The following ACO1 variants were observed in gnomAD, a reference collection of about 807,000 sequenced individuals.
The protein encoded by ACO1 is cytoplasmic aconitate hydratase.
A neutral mutation model predicts 105.1 loss-of-function variants in ACO1; 78 were observed. That is an observed-to-expected ratio of 0.74 (90% CI 0.62 to 0.90). The LOEUF (loss-of-function observed/expected upper bound fraction) is 0.90. ACO1 is among the 40% of genes least tolerant of loss of function. The pLI is 0.00. For missense variants in ACO1, 965 were observed against 1,111.1 expected, an observed-to-expected ratio of 0.87 and a Z score of 1.87; for synonymous variants, 364 against 397.4, an observed-to-expected ratio of 0.92 and a Z score of 1.00.
intron 1 of ACO1, among the ~76,000 whole-genome samples, chr9:32,387,931 G>A (rs762569310): frequency 1.6e-4 from 24 of 152,320 alleles, no homozygotes; most frequent in Middle Eastern, 3.4e-3. Flanking sequence ...GACTTTATGC[G>A]TGAATACCAG....
rs552895836 is a variant in ACO1 at position 32,451,281 on chromosome 9, G to C, written c.*1170G>C. The stretch of plus-strand genomic sequence containing the variant: ...CAAAGTTGAAGCCACTTCATTTTCT[G>C]GTGAGGACACTCTTCCTGGTTTACA... On this transcript the variant is annotated 3_prime_UTR_variant, in exon 21 of 21. Transcript: ENST00000309951. The C allele has an allele frequency of 1.4e-4, 22 of 152,238 alleles. No individual in the cohort carries two copies. The highest frequency in any genetic ancestry group is 4.6e-4 in the African/African-American group (19 of 41,532). 9.4% of individuals were successfully genotyped at this position (152,238 alleles called of 1,614,324 possible). A position where few individuals can be genotyped will look rare whatever the true frequency, so the allele number is the denominator to read the frequency against.
chr9:32,447,722 T>G (rs533376181), intron 19 of ACO1, among the ~76,000 whole-genome samples: 1 of 152,358 alleles, frequency 6.6e-6, no homozygotes, highest in African/African-American at 2.4e-5. Context: ...CTTTGGTCTT[T>G]GACATTGGTG....
chr9:32,405,719 C>A, intron 2 of ACO1, 116 bp downstream of exon 2: 1 of 738,898 alleles, frequency 1.4e-6, no homozygotes, highest in Non-Finnish European at 2.2e-6. Context: ...GGTGAATGTT[C>A]TTGGATTAAG....
intron 1 of ACO1, among the ~76,000 whole-genome samples, chr9:32,388,045 T>A (rs886822776): frequency 6.6e-6 from 1 of 152,188 alleles, no homozygotes; most frequent in South Asian, 2.1e-4. Flanking sequence ...GAAGGCCAAG[T>A]GTGTTGAAGT....
chr9:32,389,589 C>G lies in ACO1; in HGVS notation c.-23+4854C>G, dbSNP rs989354850. 2.6e-5 allele frequency among the ~76,000 whole-genome samples: 4 copies of G among 151,986 alleles called. No individual in the cohort carries two copies. In the East Asian group the frequency reaches 7.7e-4, roughly 29 times the overall value. ...TGTCTGCTTCCCCTGTAGAGTCTGT[C>G]TGACCTTGGCCTCGCCCTCTCACTT... On this transcript the variant is annotated intron_variant, in intron 1 of 20. Transcript: ENST00000309951.
Position 32,450,372 on chromosome 9 carries a change from CCAAGCTTGTCTTTAAA to C in ACO1, c.*262_*277del. Reference sequence around the variant, plus strand: ...TGTCAGTAGTGCCAGAAAGAGAGAACCAAGCTTGTCTTTAAAGTTACTGATCACAGGACGTTGCTTT... The same window carrying C: ...TGTCAGTAGTGCCAGAAAGAGAGAACGTTACTGATCACAGGACGTTGCTTT... On this transcript the variant is annotated 3_prime_UTR_variant, in exon 21 of 21. Coordinates refer to ENST00000309951, the MANE Select transcript of ACO1 (RefSeq NM_002197.3). The C allele has an allele frequency of 1.9e-6, 1 of 513,312 alleles. No homozygotes were observed. Among genetic ancestry groups the C allele is most frequent in the Non-Finnish European group, 3.7e-6 (1 of 272,724 alleles). The allele number at this position is 513,312 out of a possible 1,614,324, so 31.8% of individuals were successfully genotyped here. A position where few individuals can be genotyped will look rare whatever the true frequency, so the allele number is the denominator to read the frequency against.
chr9:32,428,855 A>C, intron 12 of ACO1, among the ~76,000 whole-genome samples: 1 of 152,002 alleles, frequency 6.6e-6, no homozygotes, highest in East Asian at 1.9e-4. Context: ...AAAAAAAAAA[A>C]GTCAGCGTGA....
chr9:32,411,209 C>T (rs1587526953), intron 4 of ACO1, among the ~76,000 whole-genome samples: 1 of 152,178 alleles, frequency 6.6e-6, no homozygotes, highest in African/African-American at 2.4e-5. Context: ...GGTTTTGATA[C>T]AGGGAGGGCA....
In ACO1 at chr9:32,453,482, C is replaced by CCAAT. The variant is rs1822813866; in HGVS notation, c.*3374_*3377dup. ...CTCCAACCACCCCCCCATCCCTCCACCAATCATACCTTCTGTTGGCCTCTG... is the reference window on the plus strand; with the variant it reads ...CTCCAACCACCCCCCCATCCCTCCACCAATCAATCATACCTTCTGTTGGCCTCTG... On this transcript the variant is annotated 3_prime_UTR_variant, in exon 21 of 21. Coordinates refer to ENST00000309951, the MANE Select transcript of ACO1 (RefSeq NM_002197.3). 6.6e-6 allele frequency: 1 copy of CCAAT among 152,270 alleles called. No individual in the cohort carries two copies. Among genetic ancestry groups the CCAAT allele is most frequent in the African/African-American group, 2.4e-5 (1 of 41,546 alleles). 9.4% of individuals were successfully genotyped at this position (152,270 alleles called of 1,614,324 possible).
At chr9:32,422,774 C>G (rs142727127) in intron 8 of ACO1, among the ~76,000 whole-genome samples, 84 of 152,216 alleles carry the variant, frequency 5.5e-4, no homozygotes, top group Non-Finnish European at 1.0e-3. Flanking sequence ...ATTTCCTTAT[C>G]CATAAATGAG....
chr9:32,447,682 G>T (rs773232342), intron 19 of ACO1, among the ~76,000 whole-genome samples: 3 of 152,198 alleles, frequency 2.0e-5, no homozygotes, highest in Non-Finnish European at 4.4e-5. Flanking sequence ...TTTTGTGCTG[G>T]TTTCTCCCCA....
intron 1 of ACO1, among the ~76,000 whole-genome samples, chr9:32,389,916 A>G (rs1821231937): frequency 6.6e-6 from 1 of 150,382 alleles, no homozygotes; most frequent in South Asian, 2.1e-4. Context: ...CTTCTGTCTC[A>G]GCCTCAGAAT....
chr9:32,385,140 G>C (rs1821130433), intron 1 of ACO1, among the ~76,000 whole-genome samples: 1 of 152,196 alleles, frequency 6.6e-6, no homozygotes. Context: ...AAAGTTGTGC[G>C]GGCAGATCCG....
chr9:32,386,426 A>G (rs1396666664), intron 1 of ACO1: 1 of 152,232 alleles, frequency 6.6e-6, no homozygotes, highest in Non-Finnish European at 1.5e-5. Context: ...AGTTTCCACC[A>G]TCCTGGAGTG....
chr9:32,440,283 A>C (rs1563946981), intron 18 of ACO1, among the ~76,000 whole-genome samples, 182 bp from the exon 19 acceptor site: 1 of 151,886 alleles, frequency 6.6e-6, no homozygotes, highest in Non-Finnish European at 1.5e-5. Context: ...AAAAAAAAAG[A>C]ATACAAAATT....
At chr9:32,434,283 AAGAG>A (rs1218451292) in intron 16 of ACO1, among the ~76,000 whole-genome samples, 2 of 152,200 alleles carry the variant, frequency 1.3e-5, no homozygotes, top group African/African-American at 4.8e-5. Context: ...TAGGGATGTG[AAGAG>A]AGAGAATGTC....
At chr9:32,394,854 C>T (rs1318326487) in intron 1 of ACO1, among the ~76,000 whole-genome samples, 2 of 152,110 alleles carry the variant, frequency 1.3e-5, no homozygotes, top group Admixed American at 6.5e-5. Context: ...TCATAATCCC[C>T]GAGTTCAGTC....
At position 32,451,036 on chromosome 9, in the gene ACO1, G is replaced by A. The variant is rs1822756827; in HGVS notation, c.*925G>A. 6.6e-6 allele frequency: 1 copy of A among 152,160 alleles called. No individual in the cohort carries two copies. 9.4% of individuals were successfully genotyped at this position (152,160 alleles called of 1,614,324 possible). ...CTCTTCCCTGTTTGGGAGCAGACAA[G>A]AAGGAAGAGTAGCCTGGTGGCAGTG... On this transcript the variant is annotated 3_prime_UTR_variant, in exon 21 of 21. Coordinates refer to ENST00000309951, the MANE Select transcript of ACO1 (RefSeq NM_002197.3).
At chr9:32,413,745 T>C (rs1298865460) in intron 4 of ACO1, among the ~76,000 whole-genome samples, 4 of 152,204 alleles carry the variant, frequency 2.6e-5, no homozygotes, top group Admixed American at 1.3e-4. Context: ...TTTGCCTAGT[T>C]TGAATAATAC....
Sources: gnomAD v4.1 joint callset for allele counts (sites outside exome capture counted in the v4.1 genomes callset) on GRCh38, gnomAD v4.1.1 for gene constraint, MANE v1.5 for transcripts, NCBI Gene and HGNC (gene_info 2026-07-23, HGNC 2026-07-21) for gene names.